TTC28: variants seen among roughly 807,000 people sequenced by gnomAD.
TTC28 encodes the protein tetratricopeptide repeat protein 28.
TTC28 carries 61 observed loss-of-function variants against 198.0 expected under a neutral mutation model. The ratio of observed to expected loss-of-function variants is 0.31; its 90% CI spans 0.25 to 0.38. The LOEUF (loss-of-function observed/expected upper bound fraction) is 0.38, where lower values mean the gene tolerates loss of function less well. Ranked by LOEUF, TTC28 falls within the 10% of genes least tolerant of loss-of-function variation. The probability of loss-of-function intolerance (pLI) is 1.00; values close to 1 mark genes in which losing one functional copy is unlikely to be tolerated. For missense variants in TTC28, 2,678 were observed against 3,164.0 expected, an observed-to-expected ratio of 0.85 and a Z score of 3.69; for synonymous variants, 1,171 against 1,297.8, an observed-to-expected ratio of 0.90 and a Z score of 2.10.
chr22:28,314,952 C>T (rs747480559), intron 2 of TTC28, among the ~76,000 whole-genome samples: 4 of 152,078 alleles, frequency 2.6e-5, no homozygotes, highest in Admixed American at 6.6e-5. Flanking sequence ...TTGTATAGGT[C>T]GCTGGGGATT....
chr22:28,248,083 GA>G (rs1425436703), intron 5 of TTC28, among the ~76,000 whole-genome samples: 4 of 152,218 alleles, frequency 2.6e-5, no homozygotes, highest in African/African-American at 9.6e-5. Context: ...AGCAGGGCCT[GA>G]AGCCCAGTCA....
intron 13 of TTC28, among the ~76,000 whole-genome samples, chr22:28,021,833 T>C (rs370628644): frequency 3.3e-5 from 5 of 152,122 alleles, no homozygotes; most frequent in African/African-American, 1.2e-4. Flanking sequence ...CCAGGGCACA[T>C]CTGGCCATGA....
At chr22:28,297,430 C>A in intron 4 of TTC28, 150 bp downstream of exon 4, 2 of 946,608 alleles carry the variant, frequency 2.1e-6, no homozygotes, top group African/African-American at 3.3e-5. Context: ...GTCTCAAATT[C>A]CTGGCCTTAA....
intron 2 of TTC28, among the ~76,000 whole-genome samples, chr22:28,334,589 T>G (rs2045675687): frequency 6.6e-6 from 1 of 152,256 alleles, no homozygotes; most frequent in African/African-American, 2.4e-5. Context: ...GATTTGCATT[T>G]CTCTGATGGC....
At chr22:28,103,560 A>G (rs1182489180) in intron 8 of TTC28, among the ~76,000 whole-genome samples, 1 of 152,174 alleles carries the variant, frequency 6.6e-6, no homozygotes, top group African/African-American at 2.4e-5. Context: ...GGAAAGCACC[A>G]TCCAGGTGTC....
intron 6 of TTC28, among the ~76,000 whole-genome samples, chr22:28,160,634 A>C (rs932100966): frequency 1.3e-5 from 2 of 152,252 alleles, no homozygotes; most frequent in African/African-American, 4.8e-5. Flanking sequence ...ATATATACAT[A>C]TATGATTACA....
intron 13 of TTC28, chr22:28,028,720 G>C (rs1938945797): frequency 3.9e-6 from 1 of 259,158 alleles, no homozygotes; most frequent in African/African-American, 2.3e-5. Context: ...CCCATGTTAA[G>C]AATTTAAGTT....
rs1471291433 is a variant in TTC28 at position 28,094,139 on chromosome 22, G to A, written c.3873C>T (p.Ala1291=). 5 of 1,551,534 alleles carry A rather than the reference G, an allele frequency of 3.2e-6. No homozygotes were observed. The Admixed American group carries it at 9.8e-5, about 30-fold the overall frequency. ...GGACACTGGCAATGTGCTGCTCCAGGGCTGAGCCGGTTGCTGTTGGAAGGG... is the reference window on the plus strand; with the variant it reads ...GGACACTGGCAATGTGCTGCTCCAGAGCTGAGCCGGTTGCTGTTGGAAGGG... ...SVTLPTATGS[A]LEQHIASVRE... is the part of the protein sequence containing the mutation. The change falls in exon 12 of 23, where the codon GCC becomes GCT. Residue 1291 remains alanine (A), a synonymous_variant. Transcript: ENST00000397906.
rs1486999746 is a variant in TTC28 at position 27,990,187 on chromosome 22, T to G, written c.5578-180A>C. The G allele has an allele frequency of 3.5e-6, 3 of 851,102 alleles. No individual in the cohort carries two copies. The African/African-American group carries it at 5.1e-5, about 15-fold the overall frequency. 52.7% of individuals were successfully genotyped at this position (851,102 alleles called of 1,614,324 possible). On this transcript the variant is annotated intron_variant, in intron 20 of 22. Transcript: ENST00000397906. The stretch of plus-strand genomic sequence containing the variant: ...ACCTACTGTCCTGCTGTCCTCTCTG[T>G]GGGAAGCTCATGGGGCATTGGGGCA...
At chr22:28,590,154 G>T (rs1194305760) in intron 2 of TTC28, among the ~76,000 whole-genome samples, 1 of 142,198 alleles carries the variant, frequency 7.0e-6, no homozygotes, top group Non-Finnish European at 1.5e-5. Context: ...TTGAGACGGA[G>T]TCTCTCTCTG....
At chr22:28,552,743 G>GCCTCTC (rs1225856095) in intron 2 of TTC28, among the ~76,000 whole-genome samples, 8 of 149,176 alleles carry the variant, frequency 5.4e-5, no homozygotes, top group East Asian at 4.0e-4. Flanking sequence ...ATGGATCAAA[G>GCCTCTC]CCTCTCCCTC....
intron 2 of TTC28, among the ~76,000 whole-genome samples, chr22:28,472,507 T>A (rs757203420): frequency 6.6e-6 from 1 of 152,014 alleles, no homozygotes; most frequent in South Asian, 2.1e-4. Context: ...TTGTTTTGTA[T>A]ACCTTCATGT....
At chr22:28,327,093 G>C (rs2045544513) in intron 2 of TTC28, among the ~76,000 whole-genome samples, 1 of 151,854 alleles carries the variant, frequency 6.6e-6, no homozygotes, top group East Asian at 1.9e-4. Flanking sequence ...AAAAAACACT[G>C]TGGAAGAAGA....
At chr22:28,351,987 T>C (rs2046003463) in intron 2 of TTC28, among the ~76,000 whole-genome samples, 1 of 152,302 alleles carries the variant, frequency 6.6e-6, no homozygotes, top group East Asian at 1.9e-4. Context: ...TTGAATACTC[T>C]GCTGTGTGTT....
At chr22:28,589,226 A>C (rs1000731809) in intron 2 of TTC28, among the ~76,000 whole-genome samples, 1 of 152,182 alleles carries the variant, frequency 6.6e-6, no homozygotes, top group Non-Finnish European at 1.5e-5. Context: ...CTATTCTCCC[A>C]TGTTAAATAA....
intron 2 of TTC28, among the ~76,000 whole-genome samples, chr22:28,417,400 G>A (rs916572041): frequency 2.6e-5 from 4 of 151,320 alleles, no homozygotes; most frequent in Admixed American, 2.0e-4. Context: ...CCTTAAGCCC[G>A]GGAGTTCAAG....
chr22:28,544,219 AAAAAAC>A, intron 2 of TTC28, among the ~76,000 whole-genome samples: 1 of 152,324 alleles, frequency 6.6e-6, no homozygotes, highest in South Asian at 2.1e-4. Flanking sequence ...CTCCGTCTCA[AAAAAAC>A]AAAAACAAAA....
intron 5 of TTC28, among the ~76,000 whole-genome samples, chr22:28,237,133 G>A (rs1188560616): frequency 2.0e-5 from 3 of 151,890 alleles, no homozygotes; most frequent in East Asian, 3.9e-4. Context: ...TTGTTCATGT[G>A]CTCTCGCTCG....
At chr22:28,540,522 T>C in intron 2 of TTC28, among the ~76,000 whole-genome samples, 1 of 152,196 alleles carries the variant, frequency 6.6e-6, no homozygotes, top group East Asian at 1.9e-4. Context: ...TCTATTTGCA[T>C]AAAACACTGT....
Sources: allele counts gnomAD v4.1 joint callset (sites outside exome capture counted in the v4.1 genomes callset), GRCh38; gene constraint gnomAD v4.1.1; transcripts MANE v1.5; gene names NCBI Gene and HGNC (gene_info 2026-07-23, HGNC 2026-07-21).